The following ARHGDIG variants were observed in gnomAD, a reference collection of about 807,000 sequenced individuals.
The protein encoded by ARHGDIG is rho GDP-dissociation inhibitor 3.
ARHGDIG carries 14 observed loss-of-function variants against 20.2 expected under a neutral mutation model. The observed-to-expected ratio is 0.69, with a 90% CI of 0.46 to 1.08. The LOEUF is 1.08. ARHGDIG is among the 50% of genes least tolerant of loss of function. ARHGDIG has a pLI of 0.00. For missense variants in ARHGDIG, 311 were observed against 301.8 expected, an observed-to-expected ratio of 1.03 and a Z score of -0.23; for synonymous variants, 193 against 138.6, an observed-to-expected ratio of 1.39 and a Z score of -2.76.
In ARHGDIG at chr16:282,549, G is replaced by A. The variant is rs1411875194; in HGVS notation, c.478+19G>A. ...CTGCGCGGTGAGGGCAGCGGTGGGG[G>A]GAACGGGGCGGGGGGGGGAAGCGGG... On this transcript the variant is annotated intron_variant, in intron 5 of 5. Coordinates refer to ENST00000219409, the MANE Select transcript of ARHGDIG (RefSeq NM_001176.4). 8.4e-6 allele frequency: 13 copies of A among 1,542,068 alleles called. No homozygotes were observed. Among genetic ancestry groups the A allele is most frequent in the Non-Finnish European group, 1.1e-5 (13 of 1,146,114 alleles).
rs372294740 is a variant in ARHGDIG, at chr16:282,086, G to T, written c.315G>T (p.Gly105=). Residue 105 remains glycine (G), a synonymous_variant, in exon 3 of 6, where the codon GGG becomes GGT. Coordinates refer to ENST00000219409, the MANE Select transcript of ARHGDIG (RefSeq NM_001176.4). ...CACTCCTGTCGGAACAGGCTCCGGG[G>T]CCCGTCGTCATGGATCTCACAGGTA... is the stretch of plus-strand genomic sequence containing the variant. ...RLTLLSEQAP[G]PVVMDLTGDL... 3 of 1,612,900 alleles carry T rather than the reference G, an allele frequency of 1.9e-6. No homozygotes were observed. The African/African-American group carries it at 4.0e-5, about 22-fold the overall frequency.
rs1273877985 is a variant in ARHGDIG at position 280,651 on chromosome 16, G to A, written c.-30G>A. 31 of 842,148 alleles carry A rather than the reference G, an allele frequency of 3.7e-5. No homozygotes were observed. In the Admixed American group the frequency reaches 5.5e-3, roughly 149 times the overall value. 52.2% of individuals were successfully genotyped at this position (842,148 alleles called of 1,614,324 possible). On this transcript the variant is annotated 5_prime_UTR_variant, in exon 1 of 6. Transcript: ENST00000219409. The surrounding 1 kb of genome is among the most constrained non-coding windows in gnomAD (Gnocchi z 6.6). ...GCGGGGCGGGCGGCGGCTCCTCGGCGGCTCCGCGGCGCCCGGGCCGCGCGC... is the reference window on the plus strand; with the variant it reads ...GCGGGGCGGGCGGCGGCTCCTCGGCAGCTCCGCGGCGCCCGGGCCGCGCGC...
Position 280,868 on chromosome 16 carries a change from C to T in ARHGDIG, c.73+115C>T. The stretch of plus-strand genomic sequence containing the variant: ...CATGGGGACCTCGCGGCGCCGACCC[C>T]CCGGCTGGGGTCTGGCAGGGGTGGG... On this transcript the variant is annotated intron_variant, in intron 1 of 5. Coordinates refer to ENST00000219409, the MANE Select transcript of ARHGDIG (RefSeq NM_001176.4). This position sits in a 1 kb window ranked among gnomAD's most constrained non-coding sequence, Gnocchi z 6.6. 3.5e-6 allele frequency: 2 copies of T among 571,456 alleles called. No homozygotes were observed. Among genetic ancestry groups the T allele is most frequent in the Middle Eastern group, 5.1e-4 (1 of 1,950 alleles). 35.4% of individuals were successfully genotyped at this position (571,456 alleles called of 1,614,324 possible). A position where few individuals can be genotyped will look rare whatever the true frequency, so the allele number is the denominator to read the frequency against.
In ARHGDIG at chr16:282,462, C is replaced by T; in HGVS notation, c.415-5C>T. 1 of 1,612,012 alleles carries T rather than the reference C, an allele frequency of 6.2e-7. No individual in the cohort carries two copies. On this transcript the variant is annotated splice_region_variant and splice_polypyrimidine_tract_variant and intron_variant, in intron 4 of 5. Transcript: ENST00000219409. The stretch of plus-strand genomic sequence containing the variant: ...CAGAGGAACCCCTAATGCCTCTGTT[C>T]CCAGGTCCACAGGGAGATTGTCAGC...
chr16:281,707 C>T, intron 1 of ARHGDIG, 39 bp from the exon 2 acceptor site: 1 of 1,522,050 alleles, frequency 6.6e-7, no homozygotes, highest in Non-Finnish European at 8.8e-7. Context: ...ATGCCAGGGT[C>T]CGCTAGTGGC....
At chr16:281,608 C>G (rs2052283735) in intron 1 of ARHGDIG, 138 bp from the exon 2 acceptor site, 2 of 1,069,218 alleles carry the variant, frequency 1.9e-6, no homozygotes, top group African/African-American at 1.6e-5. Context: ...TCTGCTCGCT[C>G]TCTCCCTGAG....
chr16:282,567 G>GGGGGC, intron 5 of ARHGDIG, 37 bp downstream of exon 5: 1 of 957,406 alleles, frequency 1.0e-6, no homozygotes. Flanking sequence ...GCGGGGGGGG[G>GGGGGC]AAGCGGGGGC....
rs1431233350 is a variant in ARHGDIG at position 282,078 on chromosome 16, G to A, written c.307G>A (p.Ala103Thr). 1 of 1,612,880 alleles carries A rather than the reference G, an allele frequency of 6.2e-7. No homozygotes were observed. The highest frequency in any genetic ancestry group is 8.5e-7 in the Non-Finnish European group (1 of 1,179,944). Residue 103 changes from alanine to threonine, a missense_variant, in exon 3 of 6, where the codon GCT becomes ACT. Ala to Thr is a moderately conservative substitution (Grantham distance 58). Coordinates refer to ENST00000219409, the MANE Select transcript of ARHGDIG (RefSeq NM_001176.4). ...CAGGCTGACACTCCTGTCGGAACAG[G>A]CTCCGGGGCCCGTCGTCATGGATCT... ...VTRLTLLSEQ[A>T]PGPVVMDLTG...
chr16:280,592 G>T lies in ARHGDIG; in HGVS notation c.-89G>T, dbSNP rs1382590823. 9 of 604,316 alleles carry T rather than the reference G, an allele frequency of 1.5e-5. No homozygotes were observed. Among genetic ancestry groups the T allele is most frequent in the Non-Finnish European group, 1.9e-5 (9 of 484,288 alleles). The allele number at this position is 604,316 out of a possible 1,614,324, so 37.4% of individuals were successfully genotyped here. ...TCCCGGCCGGGATGAGCTCACCGCA[G>T]TCGCGCCGGGGCTGAGCGCCGAGCG... is the stretch of plus-strand genomic sequence containing the variant. On this transcript the variant is annotated 5_prime_UTR_variant, in exon 1 of 6. Transcript: ENST00000219409. This position sits in a 1 kb window ranked among gnomAD's most constrained non-coding sequence, Gnocchi z 6.6.
At position 280,776 on chromosome 16, in the gene ARHGDIG, G is replaced by T; in HGVS notation, c.73+23G>T. 2 of 1,268,424 alleles carry T rather than the reference G, an allele frequency of 1.6e-6. No homozygotes were observed. Among genetic ancestry groups the T allele is most frequent in the Non-Finnish European group, 2.0e-6 (2 of 1,005,490 alleles). 78.6% of individuals were successfully genotyped at this position (1,268,424 alleles called of 1,614,324 possible). ...GAGGTGAGCGGGCCGGGCAGGGGCG[G>T]GGGGCTCGGCTGGTCTCAGCCCCGG... On this transcript the variant is annotated intron_variant, in intron 1 of 5. Transcript: ENST00000219409. This position sits in a 1 kb window ranked among gnomAD's most constrained non-coding sequence, Gnocchi z 6.6.
At chr16:282,584 A>AG (rs748185415) in intron 5 of ARHGDIG, 31 bp from the exon 6 acceptor site, 1 of 1,566,432 alleles carries the variant, frequency 6.4e-7, no homozygotes, top group Non-Finnish European at 8.6e-7. Context: ...GGGCAGACAG[A>AG]GGACAGCTCT....
intron 3 of ARHGDIG, 28 bp from the exon 4 acceptor site, chr16:282,269 C>G (rs759172417): frequency 3.1e-6 from 5 of 1,612,900 alleles, no homozygotes; most frequent in Non-Finnish European, 4.2e-6. Flanking sequence ...TAGGGGAGTT[C>G]CGACCCTAGC....
intron 1 of ARHGDIG, chr16:281,354 C>A (rs959207490): frequency 5.3e-6 from 1 of 187,718 alleles, no homozygotes; most frequent in African/African-American, 2.4e-5. Context: ...GTTTGGGGGC[C>A]GCCGAGGGCC....
At chr16:282,229 G>T (rs536785569) in intron 3 of ARHGDIG, 68 bp from the exon 4 acceptor site, 745 of 1,608,522 alleles carry the variant, frequency 4.6e-4, no homozygotes, top group Middle Eastern at 2.3e-3. Flanking sequence ...CACACCCTAC[G>T]TGGGGGCTCC....
In ARHGDIG at chr16:283,001, C is replaced by G; in HGVS notation, c.*187C>G. On this transcript the variant is annotated 3_prime_UTR_variant, in exon 6 of 6. Transcript: ENST00000219409. ...GCTGTCCCATTAAACATGGCCCTGTCTCTCTCGGTGCCCTGGGTGTCGTCT... is the reference window on the plus strand; with the variant it reads ...GCTGTCCCATTAAACATGGCCCTGTGTCTCTCGGTGCCCTGGGTGTCGTCT... 4.1e-5 allele frequency: 1 copy of G among 24,622 alleles called. No individual in the cohort carries two copies. Among genetic ancestry groups the G allele is most frequent in the Non-Finnish European group, 7.9e-5 (1 of 12,724 alleles). 1.5% of individuals were successfully genotyped at this position (24,622 alleles called of 1,614,324 possible). A position where few individuals can be genotyped will look rare whatever the true frequency, so the allele number is the denominator to read the frequency against.
At chr16:282,218 C>A (rs1382814122) in intron 3 of ARHGDIG, 79 bp from the exon 4 acceptor site, 107 of 1,605,738 alleles carry the variant, frequency 6.7e-5, no homozygotes, top group Non-Finnish European at 8.7e-5. Flanking sequence ...CTCATGGGTA[C>A]CACACCCTAC....
At chr16:282,260 A>T in intron 3 of ARHGDIG, 37 bp from the exon 4 acceptor site, 2 of 1,611,616 alleles carry the variant, frequency 1.2e-6, no homozygotes, top group Non-Finnish European at 1.7e-6. Context: ...CTCAGCCTGT[A>T]GGGGAGTTCC....
Position 282,041 on chromosome 16 carries a change from T to C in ARHGDIG, c.270T>C (p.Asn90=), listed in dbSNP as rs372112033. The change falls in exon 3 of 6, where the codon AAT becomes AAC. Residue 90 remains asparagine (N), a synonymous_variant. Transcript: ENST00000219409. ...TCTCCTCAGACCCAAGCCTGCCCAA[T>C]GTGCAGGTGACCAGGCTGACACTCC... ...LPPAVDPSLP[N]VQVTRLTLLS... is the part of the protein sequence containing the mutation. 1.7e-5 allele frequency: 28 copies of C among 1,612,580 alleles called. No individual in the cohort carries two copies. In the East Asian group the frequency reaches 3.8e-4, roughly 22 times the overall value.
chr16:282,567 G>GGGGA, intron 5 of ARHGDIG, 37 bp downstream of exon 5: 3 of 957,428 alleles, frequency 3.1e-6, no homozygotes, highest in Admixed American at 4.8e-5. Context: ...GCGGGGGGGG[G>GGGGA]AAGCGGGGGC....
Sources: allele counts gnomAD v4.1 joint callset, GRCh38; gene constraint gnomAD v4.1.1; non-coding constraint Gnocchi (gnomAD v3.1); transcripts MANE v1.5; gene names NCBI Gene and HGNC (gene_info 2026-07-23, HGNC 2026-07-21).